Variants in USH2A observed in about 807,000 individuals in gnomAD.
The protein encoded by USH2A is Usher syndrome 2A (autosomal recessive, mild).
A neutral mutation model predicts 538.9 loss-of-function variants in USH2A; 443 were observed. That is an observed-to-expected ratio of 0.82 (90% CI 0.76 to 0.89). The LOEUF (loss-of-function observed/expected upper bound fraction) is 0.89. USH2A is among the 40% of genes least tolerant of loss of function. The probability of loss-of-function intolerance (pLI) is 0.00; values close to 1 mark genes in which losing one functional copy is unlikely to be tolerated. For synonymous variants in USH2A, 2,413 were observed against 2,273.5 expected, an observed-to-expected ratio of 1.06 and a Z score of -1.75; for missense variants, 6,633 against 6,324.8, an observed-to-expected ratio of 1.05 and a Z score of -1.65.
At chr1:215,702,276 T>C (rs1316387870) in intron 61 of USH2A, among the ~76,000 whole-genome samples, 1 of 152,192 alleles carries the variant, frequency 6.6e-6, no homozygotes, top group Non-Finnish European at 1.5e-5. Context: ...TCAACTTTGG[T>C]GAATCTGATG....
chr1:215,671,881 C>T (rs902348789), intron 63 of USH2A, among the ~76,000 whole-genome samples: 1 of 152,104 alleles, frequency 6.6e-6, no homozygotes, highest in African/African-American at 2.4e-5. Flanking sequence ...GAAGGAACAT[C>T]ATGGAATTAC....
chr1:216,218,461 C>T (rs2035388324), intron 14 of USH2A, among the ~76,000 whole-genome samples: 1 of 152,080 alleles, frequency 6.6e-6, no homozygotes, highest in Admixed American at 6.6e-5. Context: ...CCTTGTGGTA[C>T]GTTTAAAACA....
chr1:216,163,991 G>A (rs1558292895), intron 21 of USH2A, among the ~76,000 whole-genome samples: 2 of 151,984 alleles, frequency 1.3e-5, no homozygotes, highest in Non-Finnish European at 2.9e-5. Flanking sequence ...TTCTCAGCAG[G>A]AGGATTTTTT....
At chr1:216,228,930 T>C (rs1344051749) in intron 14 of USH2A, among the ~76,000 whole-genome samples, 1 of 151,968 alleles carries the variant, frequency 6.6e-6, no homozygotes, top group African/African-American at 2.4e-5. Flanking sequence ...TCCCAGCACT[T>C]TGGGAGGCCG....
Position 215,779,893 on chromosome 1 carries a change from T to G in USH2A, c.10889A>C (p.Lys3630Thr). The G allele has an allele frequency of 1.9e-6, 3 of 1,614,132 alleles. No homozygotes were observed. The highest frequency in any genetic ancestry group is 2.5e-6 in the Non-Finnish European group (3 of 1,180,024). Reference protein sequence around the residue: ...IKEYQIRQVGKGLIHTDTTDR... With the variant: ...IKEYQIRQVGTGLIHTDTTDR... ...AGTGGTGTCAGTGTGGATGAGACCT[T>G]TCCCAACCTGCCTGATCTGGTACTC... Residue 3630 changes from lysine to threonine, a missense_variant, in exon 55 of 72, where the codon AAA (lysine) becomes ACA (threonine). Lys to Thr is a moderately conservative substitution (Grantham distance 78). Transcript: ENST00000307340.
intron 61 of USH2A, among the ~76,000 whole-genome samples, chr1:215,685,154 A>G (rs1394175509): frequency 6.6e-6 from 1 of 152,046 alleles, no homozygotes; most frequent in Non-Finnish European, 1.5e-5. Context: ...TGACTTTTAT[A>G]TGTCGTAATG....
intron 16 of USH2A, chr1:216,201,932 C>T (rs2035010221): frequency 6.5e-6 from 1 of 153,392 alleles, no homozygotes; most frequent in South Asian, 2.1e-4. Context: ...AAAGAAGGAT[C>T]ATATTTGGAA....
At chr1:216,002,512 C>T (rs186404757) in intron 32 of USH2A, among the ~76,000 whole-genome samples, 80 of 151,974 alleles carry the variant, frequency 5.3e-4, no homozygotes, top group Middle Eastern at 3.4e-3. Context: ...TTGGAGAAAA[C>T]CTATAGTGTT....
intron 35 of USH2A, among the ~76,000 whole-genome samples, chr1:215,978,792 A>G (rs747960334): frequency 6.6e-6 from 1 of 152,222 alleles, no homozygotes; most frequent in Non-Finnish European, 1.5e-5. Context: ...TGGGGACTTC[A>G]ATAAGTCATA....
chr1:215,828,505 T>G (rs979401389), intron 47 of USH2A, among the ~76,000 whole-genome samples: 4 of 152,164 alleles, frequency 2.6e-5, no homozygotes, highest in African/African-American at 9.7e-5. Flanking sequence ...GGTTTAGCAT[T>G]CATTTAGAGA....
Position 215,934,651 on chromosome 1 carries a change from A to G in USH2A, c.7265T>C (p.Ile2422Thr). 1 of 1,612,666 alleles carries G rather than the reference A, an allele frequency of 6.2e-7. No homozygotes were observed. The highest frequency in any genetic ancestry group is 8.5e-7 in the Non-Finnish European group (1 of 1,178,982). The change falls in exon 38 of 72, where the codon ATA becomes ACA. Residue 2422 changes from isoleucine (I) to threonine (T), a missense_variant. By Grantham distance (89) the Ile-to-Thr change is moderately conservative (BLOSUM62 -1). Coordinates refer to ENST00000307340, the MANE Select transcript of USH2A (RefSeq NM_206933.4). The part of the protein sequence containing the change: ...VNISNSQGSL[I>T]TDPITIAMPP... ...CATTGCAATTGTTATAGGATCAGTTATCAAGCTGCCTTGGCTATTTGAAAT... is the reference window on the plus strand; with the variant it reads ...CATTGCAATTGTTATAGGATCAGTTGTCAAGCTGCCTTGGCTATTTGAAAT...
At chr1:215,939,945 A>C (rs772713) in intron 37 of USH2A, among the ~76,000 whole-genome samples, 27,150 of 152,030 alleles carry the variant, frequency 0.18, 2,573 homozygotes, top group South Asian at 0.28. Flanking sequence ...ACAGTATCAT[A>C]ACACACACAA....
chr1:215,658,871 T>C (rs1440903339), intron 64 of USH2A, among the ~76,000 whole-genome samples: 1 of 152,250 alleles, frequency 6.6e-6, no homozygotes, highest in Non-Finnish European at 1.5e-5. Flanking sequence ...CATTAAAATA[T>C]ATACTTTATC....
At chr1:215,909,293 G>T (rs1665716078) in intron 38 of USH2A, among the ~76,000 whole-genome samples, 1 of 151,848 alleles carries the variant, frequency 6.6e-6, no homozygotes, top group African/African-American at 2.4e-5. Context: ...TTGGGGGAGG[G>T]CTGTATGAAT....
rs747276421 is a variant in USH2A at position 215,998,959 on chromosome 1, G to A, written c.6585C>T (p.Asn2195=). Residue 2195 remains asparagine, a synonymous_variant, in exon 34 of 72, where the codon AAC becomes AAT. Coordinates refer to ENST00000307340, the MANE Select transcript of USH2A (RefSeq NM_206933.4). ...HDFTIWSVIY[N]STELFQDHML... is the part of the protein sequence containing the mutation. ...TATGATCCTGGAAAAGTTCTGTACT[G>A]TTATAGATGACACTCCAAATTGTAA... 3 of 1,613,100 alleles carry A rather than the reference G, an allele frequency of 1.9e-6. No individual in the cohort carries two copies. Among genetic ancestry groups the A allele is most frequent in the South Asian group, 1.1e-5 (1 of 91,046 alleles).
intron 3 of USH2A, among the ~76,000 whole-genome samples, chr1:216,413,425 G>T (rs2039525354): frequency 6.6e-6 from 1 of 151,994 alleles, no homozygotes. Context: ...GTGTGCACAT[G>T]GGCATACAGT....
At chr1:216,260,562 C>T (rs2102565376) in intron 11 of USH2A, among the ~76,000 whole-genome samples, 1 of 152,244 alleles carries the variant, frequency 6.6e-6, no homozygotes, top group South Asian at 2.1e-4. Flanking sequence ...ATCCATCCCT[C>T]ACAACAAATT....
rs112270444 is a variant in USH2A at position 215,727,844 on chromosome 1, T to C, written c.12066+186A>G. 3.9e-3 allele frequency among the ~76,000 whole-genome samples: 590 copies of C among 152,296 alleles called. 3 individuals are homozygous for C. The highest frequency in any genetic ancestry group is 0.013 in the African/African-American group (524 of 41,562). The stretch of plus-strand genomic sequence containing the variant: ...AAATTAGTCGTGGTCTACAAACTGG[T>C]CTCCAATACTCCTCATACTCAGTTC... On this transcript the variant is annotated intron_variant, in intron 61 of 71. Transcript: ENST00000307340.
chr1:216,327,547 T>C (rs2102658691), intron 5 of USH2A, 44 bp downstream of exon 5: 1 of 1,603,270 alleles, frequency 6.2e-7, no homozygotes, highest in Non-Finnish European at 8.5e-7. Flanking sequence ...AATTCAGCAT[T>C]TATCCTTTCG....
Sources: allele counts gnomAD v4.1 joint callset (sites outside exome capture counted in the v4.1 genomes callset), GRCh38; gene constraint gnomAD v4.1.1; transcripts MANE v1.5; gene names NCBI Gene and HGNC (gene_info 2026-07-23, HGNC 2026-07-21).